The following KLF11 variants were observed in gnomAD, a reference collection of about 807,000 sequenced individuals.
KLF11 encodes the protein KLF transcription factor 11, also known as Krueppel-like factor 11.
KLF11 carries 26 observed loss-of-function variants against 29.9 expected under a neutral mutation model. The observed-to-expected ratio is 0.87, with a 90% confidence interval of 0.64 to 1.21. The LOEUF is 1.21. Among genes scored for constraint, KLF11 ranks in the 50% most tolerant of loss-of-function variants. KLF11 has a pLI of 0.00. For missense variants in KLF11, 778 were observed against 665.7 expected, an observed-to-expected ratio of 1.17 and a Z score of -1.86; for synonymous variants, 318 against 257.4, an observed-to-expected ratio of 1.24 and a Z score of -2.25.
chr2:10,043,631 G>C lies in KLF11; in HGVS notation c.-86G>C. 1 of 979,174 alleles carries C rather than the reference G, an allele frequency of 1.0e-6. No homozygotes were observed. The highest frequency in any genetic ancestry group is 1.2e-6 in the Non-Finnish European group (1 of 812,986). 60.7% of individuals were successfully genotyped at this position (979,174 alleles called of 1,614,324 possible). A position where few individuals can be genotyped will look rare whatever the true frequency, so the allele number is the denominator to read the frequency against. Reference sequence around the variant, plus strand: ...GCAGGAGCTCCGGGTTGCCGCCGCCGCCGCCGCCCGCAGCCCACGTGCGGC... The same window carrying C: ...GCAGGAGCTCCGGGTTGCCGCCGCCCCCGCCGCCCGCAGCCCACGTGCGGC... On this transcript the variant is annotated 5_prime_UTR_variant, in exon 1 of 4. Transcript: ENST00000305883.
rs919195576 is a variant in KLF11, at chr2:10,043,619, G to T, written c.-98G>T. On this transcript the variant is annotated 5_prime_UTR_variant, in exon 1 of 4. Coordinates refer to ENST00000305883, the MANE Select transcript of KLF11 (RefSeq NM_003597.5). ...CGCGTGCCGGCCGCAGGAGCTCCGG[G>T]TTGCCGCCGCCGCCGCCGCCCGCAG... 2.3e-6 allele frequency: 2 copies of T among 854,006 alleles called. No individual in the cohort carries two copies. The highest frequency in any genetic ancestry group is 2.1e-5 in the African/African-American group (1 of 46,716). 52.9% of individuals were successfully genotyped at this position (854,006 alleles called of 1,614,324 possible).
chr2:10,050,382 G>A (rs1661365601), intron 3 of KLF11, among the ~76,000 whole-genome samples: 1 of 146,886 alleles, frequency 6.8e-6, no homozygotes, highest in African/African-American at 2.5e-5. Flanking sequence ...ACTCCAACCT[G>A]GGCGACAGAG....
At position 10,052,389 on chromosome 2, in the gene KLF11, G is replaced by T. The variant is rs748510822; in HGVS notation, c.1421G>T (p.Arg474Leu). The change falls in exon 4 of 4, where the codon CGG (arginine) becomes CTG (leucine). Residue 474 changes from arginine (R) to leucine (L), a missense_variant. Coordinates refer to ENST00000305883, the MANE Select transcript of KLF11 (RefSeq NM_003597.5). The part of the protein sequence containing the change: ...MRSDHLTKHA[R>L]RHMTTKKIPG... ...AGTGACCACCTGACGAAGCATGCCCGGCGCCACATGACGACCAAGAAGATC... is the reference window on the plus strand; with the variant it reads ...AGTGACCACCTGACGAAGCATGCCCTGCGCCACATGACGACCAAGAAGATC... 1 of 1,614,000 alleles carries T rather than the reference G, an allele frequency of 6.2e-7. No individual in the cohort carries two copies. Among genetic ancestry groups the T allele is most frequent in the African/African-American group, 1.3e-5 (1 of 74,908 alleles).
chr2:10,043,802 G>C, intron 1 of KLF11, 44 bp downstream of exon 1: 1 of 1,338,394 alleles, frequency 7.5e-7, no homozygotes, highest in Non-Finnish European at 9.8e-7. Context: ...GTCTGAGCGA[G>C]GGGCGAGGCG....
chr2:10,053,136 G>A lies in KLF11; in HGVS notation c.*629G>A, dbSNP rs1487843052. 1.0e-5 allele frequency: 4 copies of A among 397,186 alleles called. No individual in the cohort carries two copies. The highest frequency in any genetic ancestry group is 4.4e-5 in the Admixed American group (1 of 22,622). The allele number at this position is 397,186 out of a possible 1,614,324, so 24.6% of individuals were successfully genotyped here. Reference sequence around the variant, plus strand: ...GTCAGCTTCTTCATAACGTTTTCAAGGAAATTCTAGGCAATCATTCCTGTC... The same window carrying A: ...GTCAGCTTCTTCATAACGTTTTCAAAGAAATTCTAGGCAATCATTCCTGTC... On this transcript the variant is annotated 3_prime_UTR_variant, in exon 4 of 4. Coordinates refer to ENST00000305883, the MANE Select transcript of KLF11 (RefSeq NM_003597.5).
chr2:10,051,709 G>A (rs1369435255), intron 3 of KLF11, among the ~76,000 whole-genome samples: 1 of 150,784 alleles, frequency 6.6e-6, no homozygotes, highest in Admixed American at 6.6e-5. Context: ...AGTAGAGATG[G>A]GGTTTCACCG....
chr2:10,044,404 G>T, intron 1 of KLF11: 17 of 985,606 alleles, frequency 1.7e-5, no homozygotes, highest in Non-Finnish European at 2.0e-5. Context: ...CGCGGGCCTC[G>T]TGGTGTGCGG....
chr2:10,050,900 T>A (rs1243295845), intron 3 of KLF11, among the ~76,000 whole-genome samples: 47 of 101,958 alleles, frequency 4.6e-4, no homozygotes, highest in African/African-American at 1.6e-3. Context: ...ACCTTTTTTT[T>A]TTTTTTTTTT....
Position 10,054,302 on chromosome 2 carries a change from T to A in KLF11, c.*1795T>A, listed in dbSNP as rs568751038. On this transcript the variant is annotated 3_prime_UTR_variant, in exon 4 of 4. Transcript: ENST00000305883. ...ATGGCATCAAATTTGGATATTTTTCTTAATTATGACATGCAAAGTAATGTG... is the reference window on the plus strand; with the variant it reads ...ATGGCATCAAATTTGGATATTTTTCATAATTATGACATGCAAAGTAATGTG... 6.6e-6 allele frequency: 1 copy of A among 152,366 alleles called. No homozygotes were observed. Among genetic ancestry groups the A allele is most frequent in the South Asian group, 2.1e-4 (1 of 4,830 alleles). The allele number at this position is 152,366 out of a possible 1,614,324, so 9.4% of individuals were successfully genotyped here. A position where few individuals can be genotyped will look rare whatever the true frequency, so the allele number is the denominator to read the frequency against.
chr2:10,048,635 C>A (rs1003785802), intron 3 of KLF11, 40 bp downstream of exon 3: 6 of 1,486,352 alleles, frequency 4.0e-6, no homozygotes, highest in Non-Finnish European at 2.8e-6. Flanking sequence ...CACACCAGAC[C>A]CTGTGGTTAG....
chr2:10,050,882 T>G (rs1195041817), intron 3 of KLF11, among the ~76,000 whole-genome samples: 1 of 142,090 alleles, frequency 7.0e-6, no homozygotes, highest in Non-Finnish European at 1.5e-5. Flanking sequence ...GTAGAGTGAA[T>G]AGATGCTACC....
Position 10,053,619 on chromosome 2 carries a change from GC to G in KLF11, c.*1113del, listed in dbSNP as rs1443327484. 2 of 393,058 alleles carry G rather than the reference GC, an allele frequency of 5.1e-6. No homozygotes were observed. Among genetic ancestry groups the G allele is most frequent in the Admixed American group, 4.4e-5 (1 of 22,574 alleles). 24.3% of individuals were successfully genotyped at this position (393,058 alleles called of 1,614,324 possible). On this transcript the variant is annotated 3_prime_UTR_variant, in exon 4 of 4. Coordinates refer to ENST00000305883, the MANE Select transcript of KLF11 (RefSeq NM_003597.5). ...AAGGAAATGCAAGTTACGCTAAATG[GC>G]AGTAATACTACCCAACTGCCTTTCT...
rs938399635 is a variant in KLF11 at position 10,052,833 on chromosome 2, A to G, written c.*326A>G. The G allele has an allele frequency of 2.6e-6, 1 of 383,588 alleles. No homozygotes were observed. Among genetic ancestry groups the G allele is most frequent in the African/African-American group, 2.1e-5 (1 of 48,376 alleles). The allele number at this position is 383,588 out of a possible 1,614,324, so 23.8% of individuals were successfully genotyped here. ...AATCTGGATTTTTACAACCTTTTCT[A>G]TTGATGTTTTGTAGAAATAAGACAG... On this transcript the variant is annotated 3_prime_UTR_variant, in exon 4 of 4. Coordinates refer to ENST00000305883, the MANE Select transcript of KLF11 (RefSeq NM_003597.5).
chr2:10,047,708 C>A lies in KLF11; in HGVS notation c.371C>A (p.Ser124Tyr). The change falls in exon 3 of 4, where the codon TCT (serine) becomes TAT (tyrosine). Residue 124 changes from serine (S) to tyrosine (Y), a missense_variant. By Grantham distance (144) the Ser-to-Tyr change is moderately radical (BLOSUM62 -2). Transcript: ENST00000305883. ...LVEPSTRTPV[S>Y]PQVTDSKACT... is the part of the protein sequence containing the mutation. The stretch of plus-strand genomic sequence containing the variant: ...GAGCCATCGACAAGGACACCTGTTT[C>A]TCCCCAAGTAACAGATTCCAAAGCA... 2 of 1,613,630 alleles carry A rather than the reference C, an allele frequency of 1.2e-6. No homozygotes were observed. The highest frequency in any genetic ancestry group is 1.1e-5 in the South Asian group (1 of 91,080).
intron 1 of KLF11, chr2:10,044,566 T>C: frequency 2.6e-6 from 1 of 379,022 alleles, no homozygotes; most frequent in Non-Finnish European, 3.6e-6. Flanking sequence ...TCGGGGAACC[T>C]CGGCAGACGG....
At chr2:10,049,125 G>C (rs1661329746) in intron 3 of KLF11, among the ~76,000 whole-genome samples, 1 of 152,110 alleles carries the variant, frequency 6.6e-6, no homozygotes, top group African/African-American at 2.4e-5. Flanking sequence ...CTGACCTAAT[G>C]ATCTCTCTGT....
intron 3 of KLF11, among the ~76,000 whole-genome samples, chr2:10,051,948 G>T (rs1315869153): frequency 6.6e-6 from 1 of 152,284 alleles, no homozygotes; most frequent in East Asian, 1.9e-4. Flanking sequence ...GCGATTATAG[G>T]TTTGAGCCGC....
At chr2:10,045,020 C>T (rs145757841) in intron 1 of KLF11, among the ~76,000 whole-genome samples, 8 of 152,314 alleles carry the variant, frequency 5.3e-5, no homozygotes, top group African/African-American at 1.7e-4. Flanking sequence ...GTGGTGGGCG[C>T]CTGTAATCCC....
Position 10,048,294 on chromosome 2 carries a change from T to C in KLF11, c.957T>C (p.Ala319=). 1 of 1,601,582 alleles carries C rather than the reference T, an allele frequency of 6.2e-7. No individual in the cohort carries two copies. The highest frequency in any genetic ancestry group is 8.5e-7 in the Non-Finnish European group (1 of 1,172,444). ...LSVGTVRPIL[A]QAAPAPQPVF... ...TGGGGACTGTGAGACCCATCCTAGC[T>C]CAGGCTGCTCCAGCGCCTCAACCTG... The change falls in exon 3 of 4, where the codon GCT becomes GCC. Residue 319 remains alanine, a synonymous_variant. Coordinates refer to ENST00000305883, the MANE Select transcript of KLF11 (RefSeq NM_003597.5).
Sources: gnomAD v4.1 joint callset for allele counts (sites outside exome capture counted in the v4.1 genomes callset) on GRCh38, gnomAD v4.1.1 for gene constraint, MANE v1.5 for transcripts, NCBI Gene and HGNC (gene_info 2026-07-23, HGNC 2026-07-21) for gene names.